The following ST6GAL1 variants were observed in gnomAD, a reference collection of about 807,000 sequenced individuals.
The protein encoded by ST6GAL1 is ST6 beta-galactoside alpha-2,6-sialyltransferase 1.
In ST6GAL1, 20 loss-of-function variants were observed where a neutral mutation model predicts 38.0. The ratio of observed to expected loss-of-function variants is 0.53; its 90% confidence interval spans 0.37 to 0.77. The LOEUF (loss-of-function observed/expected upper bound fraction) is 0.77, where lower values mean the gene tolerates loss of function less well. Ranked by LOEUF, ST6GAL1 falls within the 30% of genes least tolerant of loss-of-function variation. The pLI is 0.00. For synonymous variants in ST6GAL1, 196 were observed against 188.2 expected (o/e 1.04, Z -0.34); for missense variants, 432 against 496.4 (o/e 0.87, Z 1.23).
At chr3:187,064,735 A>G in intron 5 of ST6GAL1, 1 of 408,742 alleles carries the variant, frequency 2.4e-6, no homozygotes, top group Non-Finnish European at 4.9e-6. Context: ...ACTGTGATGG[A>G]CACTTTCTAT....
chr3:187,074,353 A>G lies in ST6GAL1; in HGVS notation c.979+20A>G, dbSNP rs1242117807. 2.0e-6 allele frequency: 3 copies of G among 1,530,186 alleles called. No homozygotes were observed. In the South Asian group the frequency reaches 3.9e-5, roughly 20 times the overall value. The allele number at this position is 1,530,186 out of a possible 1,614,324, so 94.8% of individuals were successfully genotyped here. ...TGCTTGGTGAGTTCATGTCGGGGAAAAGACCTTGCATGTTTGTTTCTAGAA... is the reference window on the plus strand; with the variant it reads ...TGCTTGGTGAGTTCATGTCGGGGAAGAGACCTTGCATGTTTGTTTCTAGAA... On this transcript the variant is annotated intron_variant, in intron 7 of 7. Coordinates refer to ENST00000169298, the MANE Select transcript of ST6GAL1 (RefSeq NM_173216.2).
chr3:186,953,353 G>T lies in ST6GAL1; in HGVS notation c.-324-10432G>T, dbSNP rs1401363134. Among the ~76,000 whole-genome samples, 4 of 152,118 alleles carry T rather than the reference G, an allele frequency of 2.6e-5. 1 individual carries two copies. The highest frequency in any genetic ancestry group is 9.7e-5 in the African/African-American group (4 of 41,408). On this transcript the variant is annotated intron_variant, in intron 1 of 7. Coordinates refer to ENST00000169298, the MANE Select transcript of ST6GAL1 (RefSeq NM_173216.2). Reference sequence around the variant, plus strand: ...ACTGAGCCTACTCCTCAGATATAAAGCACACTTTGGTCTCAGAGCCTTTCC... The same window carrying T: ...ACTGAGCCTACTCCTCAGATATAAATCACACTTTGGTCTCAGAGCCTTTCC...
intron 2 of ST6GAL1, among the ~76,000 whole-genome samples, chr3:187,005,789 T>C (rs953800738): frequency 6.6e-6 from 1 of 152,158 alleles, no homozygotes; most frequent in Non-Finnish European, 1.5e-5. Flanking sequence ...GAGGGACCTA[T>C]AAAATAATTG....
intron 2 of ST6GAL1, among the ~76,000 whole-genome samples, chr3:186,988,640 AGTTGCTCACACT>A: frequency 6.6e-6 from 1 of 151,828 alleles, no homozygotes; most frequent in South Asian, 2.1e-4. Flanking sequence ...TGAGGTTATC[AGTTGCTCACACT>A]CTGTAATCCC....
intron 1 of ST6GAL1, among the ~76,000 whole-genome samples, chr3:186,961,854 G>C (rs534888440): frequency 5.3e-5 from 8 of 152,160 alleles, no homozygotes; most frequent in Non-Finnish European, 7.4e-5. Flanking sequence ...TAAGGAGGCA[G>C]AGCAGTCAGC....
intron 2 of ST6GAL1, among the ~76,000 whole-genome samples, chr3:186,966,125 C>T (rs981191497): frequency 2.0e-5 from 3 of 152,130 alleles, no homozygotes; most frequent in African/African-American, 7.2e-5. Context: ...GTCTTGAACT[C>T]CTGACCTCAG....
At chr3:187,017,835 A>T (rs970411120) in intron 2 of ST6GAL1, among the ~76,000 whole-genome samples, 1 of 152,246 alleles carries the variant, frequency 6.6e-6, no homozygotes, top group Non-Finnish European at 1.5e-5. Context: ...CCTGGAGGAC[A>T]TGATATTTAA....
rs372003457 is a variant in ST6GAL1, at chr3:187,077,039, C to T, written c.*1236C>T. The stretch of plus-strand genomic sequence containing the variant: ...CCTGACCCCAATTTCTTTGAGCTCA[C>T]GGGCCTTTTGCTGAAGGTCTCTCAG... On this transcript the variant is annotated 3_prime_UTR_variant, in exon 8 of 8. Transcript: ENST00000169298. The T allele has an allele frequency of 1.3e-5, 5 of 398,382 alleles. No individual in the cohort carries two copies. The highest frequency in any genetic ancestry group is 4.1e-5 in the African/African-American group (2 of 48,414). The allele number at this position is 398,382 out of a possible 1,614,324, so 24.7% of individuals were successfully genotyped here.
At chr3:187,053,100 T>G (rs1718571788) in intron 5 of ST6GAL1, among the ~76,000 whole-genome samples, 1 of 152,260 alleles carries the variant, frequency 6.6e-6, no homozygotes, top group Non-Finnish European at 1.5e-5. Flanking sequence ...TGTCTTCTTT[T>G]GAGAAGTGTT....
chr3:186,980,679 G>T (rs1265539068), intron 2 of ST6GAL1, among the ~76,000 whole-genome samples: 6 of 151,074 alleles, frequency 4.0e-5, no homozygotes, highest in Non-Finnish European at 8.8e-5. Context: ...GGAGGCTGAG[G>T]CAGGAAAATC....
At chr3:187,019,459 A>G (rs1470404681) in intron 2 of ST6GAL1, among the ~76,000 whole-genome samples, 1 of 152,234 alleles carries the variant, frequency 6.6e-6, no homozygotes, top group East Asian at 1.9e-4. Context: ...GCCAATAACT[A>G]GTAAAATGAT....
chr3:186,951,070 TTTTG>T (rs1354525591), intron 1 of ST6GAL1, among the ~76,000 whole-genome samples: 3 of 152,186 alleles, frequency 2.0e-5, no homozygotes, highest in East Asian at 3.8e-4. Context: ...TCTAATTCTT[TTTTG>T]TTTATTTTTT....
In ST6GAL1 at chr3:187,007,556, A is replaced by AAAAC. The variant is rs377443024; in HGVS notation, c.-182-31168_-182-31165dup. On this transcript the variant is annotated intron_variant, in intron 2 of 7. Transcript: ENST00000169298. ...AACCTAAGTGGATTAATTTCCTGGTAAAACAAACAAACAAACAAACATTTT... is the reference window on the plus strand; with the variant it reads ...AACCTAAGTGGATTAATTTCCTGGTAAAACAAACAAACAAACAAACAAACATTTT... 5.2e-3 allele frequency among the ~76,000 whole-genome samples: 793 copies of AAAAC among 152,312 alleles called. 22 individuals carry two copies. The East Asian group carries it at 0.08, about 15-fold the overall frequency.
At chr3:187,036,435 A>G (rs1211880848) in intron 2 of ST6GAL1, among the ~76,000 whole-genome samples, 1 of 152,254 alleles carries the variant, frequency 6.6e-6, no homozygotes, top group East Asian at 1.9e-4. Context: ...TTCTACCAAA[A>G]AGAGACATGC....
At chr3:187,047,032 G>A (rs1029496367) in intron 4 of ST6GAL1, among the ~76,000 whole-genome samples, 22 of 152,146 alleles carry the variant, frequency 1.4e-4, no homozygotes, top group African/African-American at 3.9e-4. Flanking sequence ...TGCAAGCTCC[G>A]CCTCCCAGGT....
At chr3:187,050,301 T>C (rs1031793093) in intron 4 of ST6GAL1, among the ~76,000 whole-genome samples, 1 of 152,070 alleles carries the variant, frequency 6.6e-6, no homozygotes, top group Non-Finnish European at 1.5e-5. Flanking sequence ...CCGAGTAAGA[T>C]TGAAAGAAGT....
chr3:186,944,393 A>G (rs1714284757), intron 1 of ST6GAL1, among the ~76,000 whole-genome samples: 1 of 152,322 alleles, frequency 6.6e-6, no homozygotes, highest in Admixed American at 6.5e-5. Context: ...GTCTCACTTA[A>G]TGGTGAATGG....
chr3:186,936,040 C>T (rs1002013490), intron 1 of ST6GAL1, among the ~76,000 whole-genome samples: 1 of 152,056 alleles, frequency 6.6e-6, no homozygotes, highest in African/African-American at 2.4e-5. Flanking sequence ...GCATGGAGAC[C>T]CACCCATTCT....
intron 2 of ST6GAL1, among the ~76,000 whole-genome samples, chr3:187,011,076 G>GCT (rs1247216728): frequency 1.4e-4 from 22 of 152,298 alleles, no homozygotes; most frequent in East Asian, 5.8e-4. Context: ...GTACAACAGT[G>GCT]TGACCTCTGC....
Sources: gnomAD v4.1 joint callset for allele counts (sites outside exome capture counted in the v4.1 genomes callset) on GRCh38, gnomAD v4.1.1 for gene constraint, MANE v1.5 for transcripts, NCBI Gene and HGNC (gene_info 2026-07-23, HGNC 2026-07-21) for gene names.